Variants in TMEM144 observed in about 807,000 individuals in gnomAD.
TMEM144 encodes transmembrane protein 144.
In TMEM144, 39 loss-of-function variants were observed where a neutral mutation model predicts 43.6. The observed-to-expected ratio is 0.90, with a 90% CI of 0.69 to 1.17. TMEM144 has a LOEUF of 1.17. Ranked by LOEUF, TMEM144 falls within the 50% of genes most tolerant of loss-of-function variation. The probability of loss-of-function intolerance (pLI) is 0.00; values close to 1 mark genes in which losing one functional copy is unlikely to be tolerated. For missense variants in TMEM144, 417 were observed against 411.9 expected (o/e 1.01, Z -0.11); for synonymous variants, 154 against 133.6 (o/e 1.15, Z -1.06).
chr4:158,211,560 T>G lies in TMEM144; in HGVS notation c.-75T>G, dbSNP rs1361696705. On this transcript the variant is annotated 5_prime_UTR_variant, in exon 2 of 13. Coordinates refer to ENST00000296529, the MANE Select transcript of TMEM144 (RefSeq NM_018342.5). ...GCAAGCACCTGCCTCAGCTGACCCTTGAGCCATAACCCATGTAAGTCACTG... is the reference window on the plus strand; with the variant it reads ...GCAAGCACCTGCCTCAGCTGACCCTGGAGCCATAACCCATGTAAGTCACTG... The G allele has an allele frequency of 1.3e-5, 2 of 152,270 alleles. No homozygotes were observed. Among genetic ancestry groups the G allele is most frequent in the African/African-American group, 4.8e-5 (2 of 41,454 alleles). 9.4% of individuals were successfully genotyped at this position (152,270 alleles called of 1,614,324 possible). A position where few individuals can be genotyped will look rare whatever the true frequency, so the allele number is the denominator to read the frequency against.
In TMEM144 at chr4:158,219,395, A is replaced by G. The variant is rs1280438150; in HGVS notation, c.413+5A>G. ...AGCTGGGCTATCAGTAGTAAGGTACACAGTCATTTCTAGTGATTTTGCTGT... is the reference window on the plus strand; with the variant it reads ...AGCTGGGCTATCAGTAGTAAGGTACGCAGTCATTTCTAGTGATTTTGCTGT... On this transcript the variant is annotated splice_donor_5th_base_variant and intron_variant, in intron 6 of 12. Coordinates refer to ENST00000296529, the MANE Select transcript of TMEM144 (RefSeq NM_018342.5). 1 of 1,612,196 alleles carries G rather than the reference A, an allele frequency of 6.2e-7. No homozygotes were observed. The highest frequency in any genetic ancestry group is 1.7e-4 in the Middle Eastern group (1 of 6,052).
chr4:158,236,652 C>CAACT (rs1735363111), intron 8 of TMEM144, among the ~76,000 whole-genome samples: 1 of 152,032 alleles, frequency 6.6e-6, no homozygotes, highest in Admixed American at 6.6e-5. Flanking sequence ...TTTTTGCCTA[C>CAACT]AACTGTCTTC....
At chr4:158,235,385 T>A (rs1436722024) in intron 7 of TMEM144, 53 bp from the exon 8 acceptor site, 1 of 1,571,940 alleles carries the variant, frequency 6.4e-7, no homozygotes, top group Non-Finnish European at 8.7e-7. Context: ...GTCACCAGTG[T>A]GATTATCAAT....
chr4:158,253,385 C>A, intron 12 of TMEM144, 59 bp from the exon 13 acceptor site: 1 of 1,413,826 alleles, frequency 7.1e-7, no homozygotes. Context: ...GAGAGTCTGT[C>A]CATTTTGTGT....
chr4:158,232,981 A>G lies in TMEM144; in HGVS notation c.494A>G (p.His165Arg), dbSNP rs1415372911. The G allele has an allele frequency of 1.2e-6, 2 of 1,601,396 alleles. No individual in the cohort carries two copies. Among genetic ancestry groups the G allele is most frequent in the African/African-American group, 1.3e-5 (1 of 74,544 alleles). ...SMDTTPLITEHVINTTQDPCS... is the reference protein window; with the variant it reads ...SMDTTPLITERVINTTQDPCS... Reference sequence around the variant, plus strand: ...GATACCACTCCATTAATAACAGAGCATGTGAGTATAGTATGAGAGACAACT... The same window carrying G: ...GATACCACTCCATTAATAACAGAGCGTGTGAGTATAGTATGAGAGACAACT... The change falls in exon 7 of 13, where the codon CAT becomes CGT. Residue 165 changes from histidine to arginine, a missense_variant and splice_region_variant. By Grantham distance (29) the His-to-Arg change is conservative. Coordinates refer to ENST00000296529, the MANE Select transcript of TMEM144 (RefSeq NM_018342.5).
At chr4:158,213,785 A>G (rs552941092) in intron 3 of TMEM144, 1 of 152,262 alleles carries the variant, frequency 6.6e-6, no homozygotes, top group South Asian at 2.1e-4. Context: ...GTGCACTTAG[A>G]AAATAGGATT....
chr4:158,231,608 C>T (rs1427748661), intron 6 of TMEM144, among the ~76,000 whole-genome samples: 2 of 151,840 alleles, frequency 1.3e-5, no homozygotes, highest in African/African-American at 4.8e-5. Flanking sequence ...TTTTTTAAAC[C>T]ACATTCAACA....
chr4:158,251,886 A>G (rs1312546457), intron 12 of TMEM144, among the ~76,000 whole-genome samples: 14 of 152,186 alleles, frequency 9.2e-5, no homozygotes, highest in Admixed American at 9.2e-4. Flanking sequence ...CTTTGCAACA[A>G]GTCTCTGTAC....
At chr4:158,215,975 A>AC (rs1734200985) in intron 4 of TMEM144, among the ~76,000 whole-genome samples, 1 of 124,402 alleles carries the variant, frequency 8.0e-6, no homozygotes, top group Admixed American at 7.3e-5. Context: ...TTAAAACTTT[A>AC]TTAAAAAAAT....
chr4:158,237,736 G>A (rs769246046), intron 9 of TMEM144, 93 bp downstream of exon 9: 11 of 883,232 alleles, frequency 1.2e-5, no homozygotes, highest in East Asian at 2.7e-5. Context: ...GGGTCGATTC[G>A]ATCTTTCTTT....
intron 6 of TMEM144, among the ~76,000 whole-genome samples, chr4:158,220,066 G>A (rs1344375451): frequency 6.6e-6 from 1 of 152,124 alleles, no homozygotes; most frequent in Non-Finnish European, 1.5e-5. Flanking sequence ...TATATTCCCT[G>A]TCAGTTCTTC....
rs1734022736 is a variant in TMEM144 at position 158,212,763 on chromosome 4, T to A, written c.96T>A (p.Phe32Leu). 6.2e-7 allele frequency: 1 copy of A among 1,610,546 alleles called. No homozygotes were observed. Among genetic ancestry groups the A allele is most frequent in the African/African-American group, 1.3e-5 (1 of 74,974 alleles). Residue 32 changes from phenylalanine (F) to leucine (L), a missense_variant, in exon 3 of 13, where the codon TTT becomes TTA. Physicochemically the swap from Phe to Leu is conservative, Grantham distance 22 (BLOSUM62 0). Coordinates refer to ENST00000296529, the MANE Select transcript of TMEM144 (RefSeq NM_018342.5). ...CAAATTTTGTGCCACTTAAAAAATT[T>A]GATACTGGTGATGGTAATTATTTTT... ...FGSNFVPLKK[F>L]DTGDGMFLQW...
intron 6 of TMEM144, among the ~76,000 whole-genome samples, chr4:158,227,647 C>G (rs1227324969): frequency 2.0e-5 from 3 of 152,062 alleles, no homozygotes; most frequent in African/African-American, 7.3e-5. Flanking sequence ...TTCTCTCAAC[C>G]ACTGTGGAGA....
At chr4:158,228,034 T>A (rs1207341882) in intron 6 of TMEM144, among the ~76,000 whole-genome samples, 3 of 152,082 alleles carry the variant, frequency 2.0e-5, no homozygotes, top group Non-Finnish European at 2.9e-5. Flanking sequence ...ACACACACTT[T>A]TGCAGTTTAC....
intron 3 of TMEM144, chr4:158,213,316 C>G (rs942965358): frequency 6.5e-6 from 1 of 153,072 alleles, no homozygotes; most frequent in African/African-American, 2.4e-5. Context: ...ACCACATCTC[C>G]TGTCCCAACT....
rs1193749210 is a variant in TMEM144, at chr4:158,235,494, C to G, written c.552C>G (p.His184Gln). ...GGGTGGATAAACTTTCTACAGTACA[C>G]CACCGCATAGTGTAAGGAGAGGTTA... ...CSWVDKLSTV[H>Q]HRIVGCSLAV... The change falls in exon 8 of 13, where the codon CAC (histidine) becomes CAG (glutamine). Residue 184 changes from histidine to glutamine, a missense_variant. By Grantham distance (24) the His-to-Gln change is conservative (BLOSUM62 0). Transcript: ENST00000296529. 1 of 1,613,610 alleles carries G rather than the reference C, an allele frequency of 6.2e-7. No individual in the cohort carries two copies. The highest frequency in any genetic ancestry group is 8.5e-7 in the Non-Finnish European group (1 of 1,179,772).
intron 7 of TMEM144, chr4:158,234,939 A>G (rs1468459525): frequency 6.5e-6 from 1 of 153,508 alleles, no homozygotes. Context: ...AGGGAGGGGT[A>G]CTGTAATTCC....
At chr4:158,237,681 C>A in intron 9 of TMEM144, 38 bp downstream of exon 9, 1 of 1,303,710 alleles carries the variant, frequency 7.7e-7, no homozygotes, top group Non-Finnish European at 1.1e-6. Context: ...TTAATATCTA[C>A]TTTTTATGAA....
chr4:158,249,929 TG>T, intron 12 of TMEM144, among the ~76,000 whole-genome samples: 1 of 150,006 alleles, frequency 6.7e-6, no homozygotes, highest in Admixed American at 6.7e-5. Flanking sequence ...TGTGTGTGTG[TG>T]TGTTTAAATA....
Sources: allele counts gnomAD v4.1 joint callset (sites outside exome capture counted in the v4.1 genomes callset), GRCh38; gene constraint gnomAD v4.1.1; transcripts MANE v1.5; gene names NCBI Gene and HGNC (gene_info 2026-07-23, HGNC 2026-07-21).